SEC22C: variants seen among roughly 807,000 people sequenced by gnomAD.
SEC22C encodes the protein SEC22 homolog C, vesicle trafficking protein, also known as vesicle-trafficking protein SEC22c.
A neutral mutation model predicts 34.7 loss-of-function variants in SEC22C; 29 were observed. The ratio of observed to expected loss-of-function variants is 0.84; its 90% CI spans 0.62 to 1.14. SEC22C has a LOEUF of 1.14. Ranked by LOEUF, SEC22C falls within the 50% of genes most tolerant of loss-of-function variation. The probability of loss-of-function intolerance (pLI) is 0.00; values close to 1 mark genes in which losing one functional copy is unlikely to be tolerated. For synonymous variants in SEC22C, 117 were observed against 132.8 expected (o/e 0.88, Z 0.82); for missense variants, 337 against 369.0 (o/e 0.91, Z 0.71).
At chr3:42,599,324 ACAGAT>A (rs956621975) in intron 1 of SEC22C, among the ~76,000 whole-genome samples, 15 of 152,016 alleles carry the variant, frequency 9.9e-5, no homozygotes, top group African/African-American at 3.6e-4. Context: ...GTACTCAGAC[ACAGAT>A]CATTGGAACA....
At chr3:42,584,619 A>T (rs577678087), upstream of SEC22C, among the ~76,000 whole-genome samples, 2 of 152,340 alleles carry the variant, frequency 1.3e-5, no homozygotes, top group East Asian at 3.9e-4. Context: ...TTACATAGCC[A>T]GAGAAAAATT....
chr3:42,572,836 A>G (rs1247899598), intron 1 of SEC22C, among the ~76,000 whole-genome samples: 1 of 152,248 alleles, frequency 6.6e-6, no homozygotes, highest in African/African-American at 2.4e-5. Flanking sequence ...CAGAGATATT[A>G]GAATTATCTA....
In SEC22C at chr3:42,563,568, T is replaced by C. The variant is rs1336651075; in HGVS notation, c.301A>G (p.Thr101Ala). 9 of 1,613,918 alleles carry C rather than the reference T, an allele frequency of 5.6e-6. No homozygotes were observed. The highest frequency in any genetic ancestry group is 4.5e-5 in the East Asian group (2 of 44,890). ...WWEFTASYDT[T>A]CIGLASRPYA... is the part of the protein sequence containing the mutation. ...GGCCTGGAGGCTAGGCCAATGCAGG[T>C]AGTGTCATAGGAAGCTGTGAATTCC... The change falls in exon 3 of 7, where the codon ACC (threonine) becomes GCC (alanine). Residue 101 changes from threonine to alanine, a missense_variant. By Grantham distance (58) the Thr-to-Ala change is moderately conservative. Transcript: ENST00000264454.
intron 4 of SEC22C, among the ~76,000 whole-genome samples, chr3:42,558,555 G>C (rs1702685593): frequency 6.7e-6 from 1 of 148,842 alleles, no homozygotes; most frequent in Non-Finnish European, 1.5e-5. Flanking sequence ...GGGAGGCTAA[G>C]GTGAGAGGAT....
At chr3:42,579,154 G>A (rs571955936) in intron 1 of SEC22C, among the ~76,000 whole-genome samples, 38 of 152,244 alleles carry the variant, frequency 2.5e-4, no homozygotes, top group African/African-American at 8.2e-4. Flanking sequence ...GTACATGCCT[G>A]TAATCCCAGC....
intron 5 of SEC22C, among the ~76,000 whole-genome samples, chr3:42,556,881 G>A (rs922076255): frequency 1.7e-4 from 26 of 151,846 alleles, no homozygotes; most frequent in African/African-American, 9.7e-5. Context: ...GCGCCACCAC[G>A]CCCAGCTAAT....
chr3:42,551,673 A>G lies in SEC22C; in HGVS notation c.*1575T>C, dbSNP rs561987180. 2 of 962,032 alleles carry G rather than the reference A, an allele frequency of 2.1e-6. No homozygotes were observed. The highest frequency in any genetic ancestry group is 1.1e-4 in the East Asian group (1 of 8,698). The allele number at this position is 962,032 out of a possible 1,614,324, so 59.6% of individuals were successfully genotyped here. A position where few individuals can be genotyped will look rare whatever the true frequency, so the allele number is the denominator to read the frequency against. ...TATTTTATGTTTGGTCAAAAATAGA[A>G]AATTCTATTATAAAAAATAAAGTTA... On this transcript the variant is annotated 3_prime_UTR_variant, in exon 7 of 7. Transcript: ENST00000264454.
intron 1 of SEC22C, among the ~76,000 whole-genome samples, chr3:42,578,844 G>T (rs1704132262): frequency 6.6e-6 from 1 of 152,200 alleles, no homozygotes; most frequent in East Asian, 1.9e-4. Flanking sequence ...CTGTAATTTT[G>T]ATGTTTTATG....
chr3:42,550,106 C>T lies in SEC22C; in HGVS notation c.*3142G>A, dbSNP rs1305085629. On this transcript the variant is annotated 3_prime_UTR_variant, in exon 7 of 7. Coordinates refer to ENST00000264454, the MANE Select transcript of SEC22C (RefSeq NM_032970.4). ...GAAGGGGAAACCTTTTGGGCTCTGG[C>T]CCCGTGGTTGGGAAACCCTTCCTAA... 1 of 985,334 alleles carries T rather than the reference C, an allele frequency of 1.0e-6. No homozygotes were observed. The highest frequency in any genetic ancestry group is 1.2e-6 in the Non-Finnish European group (1 of 829,974). The allele number at this position is 985,334 out of a possible 1,614,324, so 61.0% of individuals were successfully genotyped here. A position where few individuals can be genotyped will look rare whatever the true frequency, so the allele number is the denominator to read the frequency against.
chr3:42,563,966 C>T, intron 2 of SEC22C: 2 of 1,323,966 alleles, frequency 1.5e-6, no homozygotes, highest in Non-Finnish European at 2.0e-6. Flanking sequence ...GAATTAGCCT[C>T]AGACTTCTCC....
At chr3:42,583,366 G>GA (rs1171382706), upstream of SEC22C, among the ~76,000 whole-genome samples, 1 of 152,214 alleles carries the variant, frequency 6.6e-6, no homozygotes, top group Non-Finnish European at 1.5e-5. Context: ...AGGACTTGGT[G>GA]ATGAGTTGGA....
intron 1 of SEC22C, among the ~76,000 whole-genome samples, chr3:42,569,754 T>G (rs144791370): frequency 0.011 from 1,711 of 152,296 alleles, 15 homozygotes; most frequent in Non-Finnish European, 0.016. Context: ...CATATTACAG[T>G]GATATGTGAA....
At position 42,549,870 on chromosome 3, in the gene SEC22C, G is replaced by A. The variant is rs553451023; in HGVS notation, c.*3378C>T. 1 of 985,384 alleles carries A rather than the reference G, an allele frequency of 1.0e-6. No individual in the cohort carries two copies. The highest frequency in any genetic ancestry group is 1.7e-5 in the African/African-American group (1 of 57,340). The allele number at this position is 985,384 out of a possible 1,614,324, so 61.0% of individuals were successfully genotyped here. ...TTCTCCAGAGTTCACAGAAAAGAGG[G>A]ATGCAAGCCCAAAAAGCAAAAGCAG... On this transcript the variant is annotated 3_prime_UTR_variant, in exon 7 of 7. Coordinates refer to ENST00000264454, the MANE Select transcript of SEC22C (RefSeq NM_032970.4).
chr3:42,587,306 CTGCCTTTATAA>C (rs1443683911), intron 1 of SEC22C: 1 of 152,298 alleles, frequency 6.6e-6, no homozygotes, highest in Non-Finnish European at 1.5e-5. Context: ...TGCCTTTATA[CTGCCTTTATAA>C]ACCTTTTCTT....
intron 1 of SEC22C, among the ~76,000 whole-genome samples, chr3:42,596,536 G>C (rs1214511451): frequency 6.6e-6 from 1 of 152,134 alleles, no homozygotes; most frequent in Non-Finnish European, 1.5e-5. Context: ...AAACTCTTTG[G>C]ATACCAACTT....
At chr3:42,555,042 T>C (rs1279245391) in intron 6 of SEC22C, among the ~76,000 whole-genome samples, 1 of 152,140 alleles carries the variant, frequency 6.6e-6, no homozygotes. Flanking sequence ...ATGTATATAT[T>C]TTTTAAAAAA....
At position 42,552,954 on chromosome 3, in the gene SEC22C, T is replaced by C; in HGVS notation, c.*294A>G. The C allele has an allele frequency of 8.6e-7, 1 of 1,167,494 alleles. No homozygotes were observed. Among genetic ancestry groups the C allele is most frequent in the Non-Finnish European group, 1.1e-6 (1 of 943,498 alleles). 72.3% of individuals were successfully genotyped at this position (1,167,494 alleles called of 1,614,324 possible). A position where few individuals can be genotyped will look rare whatever the true frequency, so the allele number is the denominator to read the frequency against. ...ATTCAACTTAAAAGACCAAAATATT[T>C]CCTTTCTCTCTTCCAATAAAGCTCT... On this transcript the variant is annotated 3_prime_UTR_variant, in exon 7 of 7. Coordinates refer to ENST00000264454, the MANE Select transcript of SEC22C (RefSeq NM_032970.4).
chr3:42,594,339 A>G (rs1392891633), intron 1 of SEC22C: 1 of 1,038,876 alleles, frequency 9.6e-7, no homozygotes, highest in Non-Finnish European at 1.5e-6. Flanking sequence ...CCATTCCACT[A>G]GAGTGGGTAA....
intron 1 of SEC22C, among the ~76,000 whole-genome samples, chr3:42,594,172 GATCT>G (rs1704958115): frequency 2.0e-5 from 3 of 152,366 alleles, no homozygotes; most frequent in African/African-American, 7.2e-5. Context: ...CGCAAAGATA[GATCT>G]GGGAGACTAG....
Sources: allele counts gnomAD v4.1 joint callset (sites outside exome capture counted in the v4.1 genomes callset), GRCh38; gene constraint gnomAD v4.1.1; transcripts MANE v1.5; gene names NCBI Gene and HGNC (gene_info 2026-07-23, HGNC 2026-07-21).